Variants in TBC1D1 observed in about 807,000 individuals in gnomAD.
TBC1D1 encodes the protein TBC1 (tre-2/USP6, BUB2, cdc16) domain family, member 1.
TBC1D1 carries 89 observed loss-of-function variants against 125.6 expected under a neutral mutation model. The observed-to-expected ratio is 0.71, with a 90% CI of 0.60 to 0.85. The LOEUF is 0.85. Ranked by LOEUF, TBC1D1 falls within the 40% of genes least tolerant of loss-of-function variation. The pLI is 0.00. For missense variants in TBC1D1, 1,377 were observed against 1,469.2 expected (o/e 0.94, Z 1.03); for synonymous variants, 565 against 564.1 (o/e 1.00, Z -0.02).
chr4:38,102,958 CT>C (rs1308657373), intron 14 of TBC1D1, 40 bp from the exon 17 acceptor site: 1 of 1,572,888 alleles, frequency 6.4e-7, no homozygotes, highest in Non-Finnish European at 8.7e-7. Context: ...AAGTTGTATT[CT>C]GTGCATAAAT....
rs1018209906 is a variant in TBC1D1, at chr4:38,124,707, C to T, written c.2963-255C>T. 5.3e-5 allele frequency among the ~76,000 whole-genome samples: 8 copies of T among 152,268 alleles called. No homozygotes were observed. In the East Asian group the frequency reaches 1.3e-3, roughly 26 times the overall value. On this transcript the variant is annotated intron_variant, in intron 17 of 19. Coordinates refer to ENST00000261439, the MANE Select transcript of TBC1D1 (RefSeq NM_015173.4). Reference sequence around the variant, plus strand: ...GACTAATAAAACCTTTTTCCCTTTCCCAGTTTAACTTTTGAAGCATGTTTG... The same window carrying T: ...GACTAATAAAACCTTTTTCCCTTTCTCAGTTTAACTTTTGAAGCATGTTTG...
intron 2 of TBC1D1, chr4:37,952,165 G>A: frequency 1.4e-6 from 1 of 701,726 alleles, no homozygotes; most frequent in Admixed American, 2.0e-5. Flanking sequence ...GTTCATCCCA[G>A]TGGCCCTGAG....
chr4:37,913,678 C>T (rs1235856195), intron 2 of TBC1D1, among the ~76,000 whole-genome samples: 4 of 149,358 alleles, frequency 2.7e-5, no homozygotes, highest in Admixed American at 2.7e-4. Flanking sequence ...GGGATATCTC[C>T]CATATCACCC....
At position 38,052,738 on chromosome 4, in the gene TBC1D1, A is replaced by G. The variant is rs1225659380; in HGVS notation, c.1911-1461A>G. Reference sequence around the variant, plus strand: ...CGCGCGCGCGCGCGCGCACACACACACACACACACACACACACACACACAC... The same window carrying G: ...CGCGCGCGCGCGCGCGCACACACACGCACACACACACACACACACACACAC... On this transcript the variant is annotated intron_variant, in intron 11 of 19. Coordinates refer to ENST00000261439, the MANE Select transcript of TBC1D1 (RefSeq NM_015173.4). Among the ~76,000 whole-genome samples, 472 of 121,898 alleles carry G rather than the reference A, an allele frequency of 3.9e-3. 2 individuals are homozygous for G. The Middle Eastern group carries it at 0.05, about 13-fold the overall frequency. 80.0% of individuals were successfully genotyped at this position (121,898 alleles called of 152,430 possible). A position where few individuals can be genotyped will look rare whatever the true frequency, so the allele number is the denominator to read the frequency against.
rs1766930801 is a variant in TBC1D1 at position 38,138,138 on chromosome 4, AAAAT to A, written c.*805_*808del. Reference sequence around the variant, plus strand: ...TTTAAGGAAGTTTGTCTTTAAAAAAAAAATAGAGTGTTTTCATACATTTTTGCTT... The same window carrying A: ...TTTAAGGAAGTTTGTCTTTAAAAAAAAGAGTGTTTTCATACATTTTTGCTT... On this transcript the variant is annotated 3_prime_UTR_variant, in exon 20 of 20. Transcript: ENST00000261439. The A allele has an allele frequency of 6.6e-6, 1 of 152,192 alleles. No homozygotes were observed. The highest frequency in any genetic ancestry group is 2.4e-5 in the African/African-American group (1 of 41,436). 9.4% of individuals were successfully genotyped at this position (152,192 alleles called of 1,614,324 possible). A position where few individuals can be genotyped will look rare whatever the true frequency, so the allele number is the denominator to read the frequency against.
chr4:38,118,274 T>G, intron 17 of TBC1D1, 82 bp downstream of exon 19: 1 of 1,473,528 alleles, frequency 6.8e-7, no homozygotes, highest in Non-Finnish European at 9.4e-7. Context: ...GTGGTGATTC[T>G]TATTTTTATA....
Position 37,992,030 on chromosome 4 carries a change from G to A in TBC1D1, c.418-22479G>A, listed in dbSNP as rs544895496. On this transcript the variant is annotated intron_variant, in intron 2 of 19. Coordinates refer to ENST00000261439, the MANE Select transcript of TBC1D1 (RefSeq NM_015173.4). ...CAGAGAAAGAAGCCAGGTGAAATAA[G>A]GCAGGAAGAGTTGAGTGGAGCCCCA... Among the ~76,000 whole-genome samples, 41 of 152,358 alleles carry A rather than the reference G, an allele frequency of 2.7e-4. No homozygotes were observed. The East Asian group carries it at 7.5e-3, about 28-fold the overall frequency.
In TBC1D1 at chr4:37,895,057, A is replaced by G. The variant is rs139688111; in HGVS notation, c.-94+3709A>G. ...GGTGGTCAACAGATATTGCTCTAGC[A>G]AAGTGGTTAAGAGCAAGCAAACTCT... On this transcript the variant is annotated intron_variant, in intron 1 of 19. Transcript: ENST00000261439. Among the ~76,000 whole-genome samples, 48 of 152,350 alleles carry G rather than the reference A, an allele frequency of 3.2e-4. 2 individuals carry two copies. Among genetic ancestry groups the G allele is most frequent in the African/African-American group, 1.1e-3 (47 of 41,586 alleles).
intron 15 of TBC1D1, among the ~76,000 whole-genome samples, 162 bp downstream of exon 17, chr4:38,103,319 C>G (rs998933673): frequency 6.6e-6 from 1 of 152,172 alleles, no homozygotes; most frequent in Non-Finnish European, 1.5e-5. Context: ...TCACAAATGT[C>G]ATCTTCAAGC....
rs577978892 is a variant in TBC1D1 at position 38,125,294 on chromosome 4, G to A, written c.3132+163G>A. Among the ~76,000 whole-genome samples the A allele has an allele frequency of 9.8e-4, 149 of 152,280 alleles. 2 individuals are homozygous for A. The highest frequency in any genetic ancestry group is 3.2e-3 in the African/African-American group (135 of 41,558). Reference sequence around the variant, plus strand: ...CATATCACAAACGTGTGGAATGATCGTGAGTGTGTGTGTTGTGAGCGTCAT... The same window carrying A: ...CATATCACAAACGTGTGGAATGATCATGAGTGTGTGTGTTGTGAGCGTCAT... On this transcript the variant is annotated intron_variant, in intron 18 of 19. Coordinates refer to ENST00000261439, the MANE Select transcript of TBC1D1 (RefSeq NM_015173.4).
chr4:37,904,657 C>A (rs1038897863), intron 2 of TBC1D1, among the ~76,000 whole-genome samples: 11 of 152,200 alleles, frequency 7.2e-5, no homozygotes, highest in East Asian at 1.9e-4. Flanking sequence ...ACTCTATATG[C>A]TAAAAACCCA....
chr4:38,125,222 C>T, intron 18 of TBC1D1, 91 bp downstream of exon 20: 1 of 1,307,440 alleles, frequency 7.6e-7, no homozygotes. Context: ...TTTCCTACCA[C>T]TTTGTGTTCT....
chr4:38,108,971 G>A (rs1381336953), intron 15 of TBC1D1, among the ~76,000 whole-genome samples: 1 of 152,244 alleles, frequency 6.6e-6, no homozygotes, highest in East Asian at 1.9e-4. Context: ...TGCCTCGCTC[G>A]GCCAGGACAC....
At chr4:37,912,955 A>C (rs995983027) in intron 2 of TBC1D1, among the ~76,000 whole-genome samples, 2 of 152,224 alleles carry the variant, frequency 1.3e-5, no homozygotes, top group Admixed American at 6.5e-5. Context: ...AAATGGATTA[A>C]TTTATTTGGA....
intron 2 of TBC1D1, among the ~76,000 whole-genome samples, chr4:38,005,295 G>A (rs4144800): frequency 0.69 from 104,679 of 152,160 alleles, 36,655 homozygotes; most frequent in East Asian, 0.93. Context: ...AGTTGTTGCA[G>A]TTCTGATACA....
At chr4:38,116,443 A>G (rs985533511) in intron 16 of TBC1D1, among the ~76,000 whole-genome samples, 28 of 152,208 alleles carry the variant, frequency 1.8e-4, no homozygotes, top group African/African-American at 6.8e-4. Context: ...CACCTTGGGC[A>G]CACTGCGTCA....
At chr4:37,973,264 A>G (rs911110097) in intron 2 of TBC1D1, among the ~76,000 whole-genome samples, 5 of 152,216 alleles carry the variant, frequency 3.3e-5, no homozygotes, top group African/African-American at 9.7e-5. Flanking sequence ...CCCAGACTGC[A>G]GGAGCCTCTA....
At chr4:38,096,121 C>A in intron 14 of TBC1D1, 31 bp downstream of exon 16, 1 of 1,586,308 alleles carries the variant, frequency 6.3e-7, no homozygotes. Flanking sequence ...TCTAGTCAAC[C>A]TCACCCCTCA....
chr4:37,963,939 C>T (rs1031230956), intron 2 of TBC1D1, among the ~76,000 whole-genome samples: 1 of 152,132 alleles, frequency 6.6e-6, no homozygotes, highest in Non-Finnish European at 1.5e-5. Flanking sequence ...TACAGGGTCC[C>T]TGATGTTGGT....
Sources: allele counts gnomAD v4.1 joint callset (sites outside exome capture counted in the v4.1 genomes callset), GRCh38; gene constraint gnomAD v4.1.1; transcripts MANE v1.5; gene names NCBI Gene and HGNC (gene_info 2026-07-23, HGNC 2026-07-21).